Variants in ZFHX3 observed in about 807,000 individuals in gnomAD.
ZFHX3 encodes zinc finger homeobox protein 3.
A neutral mutation model predicts 279.1 loss-of-function variants in ZFHX3; 42 were observed. The observed-to-expected ratio is 0.15, with a 90% CI of 0.12 to 0.19. ZFHX3 has a LOEUF of 0.19. Among genes scored for constraint, ZFHX3 ranks in the 10% least tolerant of loss-of-function variants. The probability of loss-of-function intolerance (pLI) is 1.00; values close to 1 mark genes in which losing one functional copy is unlikely to be tolerated. For synonymous variants in ZFHX3, 2,293 were observed against 1,957.8 expected, an observed-to-expected ratio of 1.17 and a Z score of -4.52; for missense variants, 4,981 against 4,754.0, an observed-to-expected ratio of 1.05 and a Z score of -1.40.
rs552757539 is a variant in ZFHX3, at chr16:73,759,132, T to G, written c.-1607-78892A>C. ...CAAGATACTAAAACTAATACTGACT[T>G]AAACAAGACAGAAGTCTATTTCTCT... On this transcript the variant is annotated intron_variant, in intron 1 of 17. Transcript: ENST00000641206. Among the ~76,000 whole-genome samples the G allele has an allele frequency of 3.3e-5, 5 of 152,324 alleles. No individual in the cohort carries two copies. The East Asian group carries it at 9.6e-4, about 29-fold the overall frequency.
intron 1 of ZFHX3, among the ~76,000 whole-genome samples, chr16:73,790,077 T>C (rs1959776976): frequency 6.6e-6 from 1 of 152,144 alleles, no homozygotes; most frequent in Non-Finnish European, 1.5e-5. Context: ...AAACTTGCCA[T>C]GCAAAAGGTC....
rs754058260 is a variant in ZFHX3, at chr16:72,958,925, G to A, written c.1221C>T (p.Thr407=). 79 of 1,599,850 alleles carry A rather than the reference G, an allele frequency of 4.9e-5. No individual in the cohort carries two copies. Among genetic ancestry groups the A allele is most frequent in the Non-Finnish European group, 6.2e-5 (73 of 1,172,818 alleles). Residue 407 remains threonine (T), a synonymous_variant, in exon 2 of 10, where the codon ACC becomes ACT. Transcript: ENST00000268489. ...PSTLLNLGGL[T]SSVLKTPITS... ...TAATGGGGGTCTTCAGTACCGAGCTGGTGAGCCCGCCAAGGTTCAACAGGG... is the reference window on the plus strand; with the variant it reads ...TAATGGGGGTCTTCAGTACCGAGCTAGTGAGCCCGCCAAGGTTCAACAGGG...
At chr16:73,567,302 T>C (rs2020465568) in intron 2 of ZFHX3, among the ~76,000 whole-genome samples, 1 of 151,782 alleles carries the variant, frequency 6.6e-6, no homozygotes, top group Non-Finnish European at 1.5e-5. Flanking sequence ...ATGCTAAGAT[T>C]CTAGGTAGAC....
intron 1 of ZFHX3, among the ~76,000 whole-genome samples, chr16:73,041,907 A>G (rs956270853): frequency 7.9e-5 from 12 of 152,222 alleles, no homozygotes; most frequent in African/African-American, 2.4e-4. Context: ...CTTCTTGAGT[A>G]GTTAAGAACA....
At chr16:73,144,628 G>A (rs192645931) in intron 5 of ZFHX3, among the ~76,000 whole-genome samples, 5 of 152,262 alleles carry the variant, frequency 3.3e-5, no homozygotes, top group Admixed American at 1.3e-4. Flanking sequence ...ACACCACGCT[G>A]TGTCCTACTC....
chr16:73,779,267 C>T lies in ZFHX3; in HGVS notation c.-1607-99027G>A, dbSNP rs79827213. Reference sequence around the variant, plus strand: ...CATTCAAAGACCACCACAGTAAAATCAGTAAATACAATAATGCTATGTTGG... The same window carrying T: ...CATTCAAAGACCACCACAGTAAAATTAGTAAATACAATAATGCTATGTTGG... On this transcript the variant is annotated intron_variant, in intron 1 of 17. Transcript: ENST00000641206. Among the ~76,000 whole-genome samples, 1,182 of 152,204 alleles carry T rather than the reference C, an allele frequency of 7.8e-3. 17 individuals carry two copies. The highest frequency in any genetic ancestry group is 0.027 in the African/African-American group (1,131 of 41,504).
chr16:73,109,580 C>A (rs4238968), intron 7 of ZFHX3, among the ~76,000 whole-genome samples: 93,869 of 135,306 alleles, frequency 0.69, 29,562 homozygotes, highest in African/African-American at 0.75. Flanking sequence ...AAAAATTTTC[C>A]GGTGCAGTGC....
chr16:73,330,388 G>A (rs1015152888), intron 3 of ZFHX3, among the ~76,000 whole-genome samples: 20 of 152,210 alleles, frequency 1.3e-4, no homozygotes, highest in Admixed American at 2.6e-4. Flanking sequence ...TTGATTACAC[G>A]TGTGGTTTAG....
chr16:73,580,738 C>A lies in ZFHX3; in HGVS notation c.-1547+99442G>T, dbSNP rs529126280. Among the ~76,000 whole-genome samples the A allele has an allele frequency of 3.3e-5, 5 of 151,822 alleles. 1 individual carries two copies. Among genetic ancestry groups the A allele is most frequent in the African/African-American group, 1.2e-4 (5 of 41,166 alleles). ...TCTCTCTCTGTCAAGCACTCCCCTG[C>A]CATCTTTTATTTGAAGGTCACTGGG... is the stretch of plus-strand genomic sequence containing the variant. On this transcript the variant is annotated intron_variant, in intron 2 of 17. Transcript: ENST00000641206.
At chr16:73,532,672 C>G (rs1209163625) in intron 2 of ZFHX3, among the ~76,000 whole-genome samples, 1 of 152,078 alleles carries the variant, frequency 6.6e-6, no homozygotes, top group Non-Finnish European at 1.5e-5. Flanking sequence ...CCTACATTTC[C>G]TTATTGTAAT....
rs60477881 is a variant in ZFHX3 at position 73,634,433 on chromosome 16, A to AATATATATATATATATATATATATAT, written c.-1547+45721_-1547+45746dup. ...GGCAACTCAACCAGTTATTATGTAT[A>AATATATATATATATATATATATATAT]ATATATATATATATATATATATATA... On this transcript the variant is annotated intron_variant, in intron 2 of 17. Coordinates refer to the ZFHX3 transcript ENST00000641206. Among the ~76,000 whole-genome samples the AATATATATATATATATATATATATAT allele has an allele frequency of 9.4e-4, 56 of 59,830 alleles. 1 individual carries two copies. The highest frequency in any genetic ancestry group is 2.4e-3 in the African/African-American group (55 of 22,916). The allele number at this position is 59,830 out of a possible 152,430, so 39.3% of individuals were successfully genotyped here.
At chr16:73,842,084 C>G (rs62044574) in intron 1 of ZFHX3, among the ~76,000 whole-genome samples, 1 of 151,422 alleles carries the variant, frequency 6.6e-6, no homozygotes. Context: ...GGCATGGTGG[C>G]GCACGCCTGT....
intron 3 of ZFHX3, among the ~76,000 whole-genome samples, chr16:73,436,325 A>C (rs1462711904): frequency 1.3e-5 from 2 of 148,658 alleles, no homozygotes; most frequent in African/African-American, 4.9e-5. Flanking sequence ...CCGTCTCAAC[A>C]AAAAAGAGGT....
At chr16:73,055,201 T>C (rs1268740435) in intron 1 of ZFHX3, among the ~76,000 whole-genome samples, 1 of 152,142 alleles carries the variant, frequency 6.6e-6, no homozygotes, top group East Asian at 1.9e-4. Flanking sequence ...TCAAAGCTGC[T>C]TTGTAACCGG....
At chr16:73,140,894 G>C (rs1275971680) in intron 6 of ZFHX3, among the ~76,000 whole-genome samples, 1 of 152,036 alleles carries the variant, frequency 6.6e-6, no homozygotes, top group Non-Finnish European at 1.5e-5. Flanking sequence ...AATGGGGAGA[G>C]AAACCTTGGC....
chr16:72,954,348 C>T (rs79120728), intron 2 of ZFHX3, among the ~76,000 whole-genome samples: 3,706 of 152,068 alleles, frequency 0.024, 90 homozygotes, highest in South Asian at 0.066. Context: ...CCAGCCTGGG[C>T]GACAAGAGTG....
chr16:73,004,444 T>C (rs775930691), intron 1 of ZFHX3, among the ~76,000 whole-genome samples: 4 of 147,084 alleles, frequency 2.7e-5, no homozygotes, highest in Non-Finnish European at 6.0e-5. Flanking sequence ...TTCTCCTGCC[T>C]CAGCCTCCCA....
intron 1 of ZFHX3, among the ~76,000 whole-genome samples, chr16:72,977,645 G>C (rs1321595874): frequency 6.6e-6 from 1 of 151,708 alleles, no homozygotes; most frequent in Non-Finnish European, 1.5e-5. Context: ...GGATCTCTAC[G>C]ATTCACTTGG....
chr16:73,423,345 C>T (rs1262290903), intron 3 of ZFHX3, among the ~76,000 whole-genome samples: 2 of 152,108 alleles, frequency 1.3e-5, no homozygotes, highest in Non-Finnish European at 1.5e-5. Flanking sequence ...GGAGTCTTGG[C>T]TGCAGCTGAC....
Sources: gnomAD v4.1 joint callset for allele counts (sites outside exome capture counted in the v4.1 genomes callset) on GRCh38, gnomAD v4.1.1 for gene constraint, MANE v1.5 for transcripts, NCBI Gene and HGNC (gene_info 2026-07-23, HGNC 2026-07-21) for gene names.